SPRED1: variants seen among roughly 807,000 people sequenced by gnomAD.
SPRED1 encodes sprouty-related, EVH1 domain-containing protein 1.
Under a neutral mutation model 52.3 loss-of-function variants are expected in SPRED1, and 18 were observed. The ratio of observed to expected loss-of-function variants is 0.34; its 90% CI spans 0.24 to 0.51. The LOEUF (loss-of-function observed/expected upper bound fraction) is 0.51. Among genes scored for constraint, SPRED1 ranks in the 20% least tolerant of loss-of-function variants. SPRED1 has a pLI of 0.97. For missense variants in SPRED1, 485 were observed against 551.0 expected (o/e 0.88, Z 1.20); for synonymous variants, 155 against 179.7 (o/e 0.86, Z 1.10).
At chr15:38,345,096 G>C (rs768837702) in intron 5 of SPRED1, among the ~76,000 whole-genome samples, 7 of 152,166 alleles carry the variant, frequency 4.6e-5, no homozygotes, top group Non-Finnish European at 1.0e-4. Context: ...GACCAAGAAG[G>C]CCTCACAGGA....
chr15:38,288,696 T>G (rs1236018802), intron 1 of SPRED1, among the ~76,000 whole-genome samples: 9 of 152,186 alleles, frequency 5.9e-5, no homozygotes, highest in Admixed American at 2.0e-4. Context: ...AGAGAGGTGG[T>G]CAGAGAGGTA....
intron 1 of SPRED1, chr15:38,298,590 T>C: frequency 3.6e-6 from 1 of 279,584 alleles, no homozygotes; most frequent in Non-Finnish European, 6.9e-6. Flanking sequence ...GTAATTCTGT[T>C]TGATTCCATT....
chr15:38,303,867 A>T (rs906817163), intron 2 of SPRED1, among the ~76,000 whole-genome samples: 41 of 152,280 alleles, frequency 2.7e-4, no homozygotes, highest in African/African-American at 7.2e-4. Flanking sequence ...ACCATTATAA[A>T]CTTAGAGTGA....
At chr15:38,324,934 G>A in intron 4 of SPRED1, 125 bp downstream of exon 4, 1 of 851,596 alleles carries the variant, frequency 1.2e-6, no homozygotes, top group East Asian at 2.7e-5. Context: ...GATTTCTCCA[G>A]AAGAAAAGAA....
Position 38,324,782 on chromosome 15 carries a change from T to C in SPRED1, c.396T>C (p.Asn132=), listed in dbSNP as rs772830013. The change falls in exon 4 of 7, where the codon AAT becomes AAC. Residue 132 remains asparagine (N), a synonymous_variant. Transcript: ENST00000299084. ...DISQGCPESK[N]EAEGADDLQA... ...TCTTAGGATGCCCCGAATCAAAAAA[T>C]GAAGCTGAAGGGGCAGATGACTTAC... 1.2e-6 allele frequency: 2 copies of C among 1,611,248 alleles called. No homozygotes were observed. Among genetic ancestry groups the C allele is most frequent in the South Asian group, 2.2e-5 (2 of 90,450 alleles).
intron 2 of SPRED1, among the ~76,000 whole-genome samples, chr15:38,300,110 A>G (rs1253044722): frequency 6.6e-6 from 1 of 152,152 alleles, no homozygotes; most frequent in African/African-American, 2.4e-5. Flanking sequence ...TGGCCAGCCT[A>G]ATTTTTAACA....
chr15:38,253,032 A>T lies in SPRED1; in HGVS notation c.-154A>T, dbSNP rs1894012072. On this transcript the variant is annotated 5_prime_UTR_variant, in exon 1 of 7. Coordinates refer to ENST00000299084, the MANE Select transcript of SPRED1 (RefSeq NM_152594.3). ...GGCCGGGGTTCCCGGCTGGGGGGGT[A>T]CCGTTCTGGGTGAGGCATCCACCAT... is the stretch of plus-strand genomic sequence containing the variant. The T allele has an allele frequency of 1.4e-6, 1 of 693,908 alleles. No individual in the cohort carries two copies. Among genetic ancestry groups the T allele is most frequent in the Non-Finnish European group, 2.6e-6 (1 of 388,156 alleles). The allele number at this position is 693,908 out of a possible 1,614,324, so 43.0% of individuals were successfully genotyped here. A position where few individuals can be genotyped will look rare whatever the true frequency, so the allele number is the denominator to read the frequency against.
chr15:38,260,206 C>T (rs759875973), intron 1 of SPRED1, among the ~76,000 whole-genome samples: 1 of 152,336 alleles, frequency 6.6e-6, no homozygotes, highest in Admixed American at 6.5e-5. Flanking sequence ...GTTGGCAGGG[C>T]CATGTTCCCT....
At chr15:38,285,353 G>T (rs1033159151) in intron 1 of SPRED1, among the ~76,000 whole-genome samples, 3 of 152,198 alleles carry the variant, frequency 2.0e-5, no homozygotes, top group African/African-American at 7.2e-5. Context: ...TTATAGTGCT[G>T]TGGTAGCACA....
intron 2 of SPRED1, among the ~76,000 whole-genome samples, chr15:38,313,419 T>C (rs1333496436): frequency 6.6e-6 from 1 of 151,948 alleles, no homozygotes; most frequent in Non-Finnish European, 1.5e-5. Flanking sequence ...TGTTTCCCCA[T>C]GATTAGATTC....
chr15:38,338,024 A>G (rs1895954472), intron 4 of SPRED1, among the ~76,000 whole-genome samples: 1 of 145,984 alleles, frequency 6.9e-6, no homozygotes, highest in African/African-American at 2.5e-5. Context: ...AACATAGTGA[A>G]ACCCCATTGC....
intron 5 of SPRED1, among the ~76,000 whole-genome samples, chr15:38,346,676 T>G (rs1305356280): frequency 1.3e-5 from 2 of 152,196 alleles, no homozygotes; most frequent in Non-Finnish European, 2.9e-5. Flanking sequence ...TCAGTTGTTT[T>G]CAGGTTTTTA....
At chr15:38,333,022 C>T (rs1264515687) in intron 4 of SPRED1, among the ~76,000 whole-genome samples, 1 of 152,120 alleles carries the variant, frequency 6.6e-6, no homozygotes, top group South Asian at 2.1e-4. Context: ...AGGGCTCTAC[C>T]TTCCTAATTG....
At chr15:38,257,119 A>AT (rs1894113941) in intron 1 of SPRED1, among the ~76,000 whole-genome samples, 1 of 152,040 alleles carries the variant, frequency 6.6e-6, no homozygotes, top group South Asian at 2.1e-4. Context: ...TAAATTTGTC[A>AT]TTTTTCCCCA....
At chr15:38,324,115 C>T (rs1895661679) in intron 3 of SPRED1, among the ~76,000 whole-genome samples, 2 of 152,188 alleles carry the variant, frequency 1.3e-5, no homozygotes, top group Non-Finnish European at 2.9e-5. Context: ...CCAAAGGGCG[C>T]ATTTCTTCTT....
At chr15:38,324,638 C>A (rs1264154082) in intron 3 of SPRED1, 125 bp from the exon 4 acceptor site, 3 of 731,442 alleles carry the variant, frequency 4.1e-6, no homozygotes, top group Admixed American at 5.2e-5. Context: ...CCTTAATTGC[C>A]AGGCAGTCCA....
intron 4 of SPRED1, among the ~76,000 whole-genome samples, chr15:38,328,963 A>C (rs1327233721): frequency 6.6e-6 from 1 of 152,082 alleles, no homozygotes; most frequent in Non-Finnish European, 1.5e-5. Context: ...TGATCCACCC[A>C]CCCACCTTGG....
intron 1 of SPRED1, among the ~76,000 whole-genome samples, chr15:38,259,775 T>C (rs1405402583): frequency 1.3e-5 from 2 of 152,200 alleles, no homozygotes; most frequent in African/African-American, 4.8e-5. Flanking sequence ...TTAACTCAGG[T>C]AATGAATTTT....
chr15:38,350,424 A>G (rs574036821), intron 6 of SPRED1, among the ~76,000 whole-genome samples: 117 of 152,302 alleles, frequency 7.7e-4, no homozygotes, highest in African/African-American at 2.6e-3. Flanking sequence ...AAAAGGCTCT[A>G]TATCCAAATA....
Sources: gnomAD v4.1 joint callset for allele counts (sites outside exome capture counted in the v4.1 genomes callset) on GRCh38, gnomAD v4.1.1 for gene constraint, MANE v1.5 for transcripts, NCBI Gene and HGNC (gene_info 2026-07-23, HGNC 2026-07-21) for gene names.